Variants in ZBTB38 observed in about 807,000 individuals in gnomAD.
ZBTB38 encodes zinc finger and BTB domain containing 38, also known as zinc finger and BTB domain-containing protein 38.
In ZBTB38, 20 loss-of-function variants were observed where a neutral mutation model predicts 76.8. The ratio of observed to expected loss-of-function variants is 0.26; its 90% CI spans 0.18 to 0.38. ZBTB38 has a LOEUF of 0.38. Among genes scored for constraint, ZBTB38 ranks in the 10% least tolerant of loss-of-function variants. ZBTB38 has a pLI of 1.00. For missense variants in ZBTB38, 1,082 were observed against 1,482.3 expected (o/e 0.73, Z 4.43); for synonymous variants, 504 against 544.2 (o/e 0.93, Z 1.03).
rs749689930 is a variant in ZBTB38 at position 141,443,807 on chromosome 3, T to C, written c.1419T>C (p.Ser473=). 4 of 1,613,848 alleles carry C rather than the reference T, an allele frequency of 2.5e-6. No individual in the cohort carries two copies. In the African/African-American group the frequency reaches 5.3e-5, roughly 22 times the overall value. The change falls in exon 6 of 6, where the codon TCT becomes TCC. Residue 473 remains serine (S), a synonymous_variant. Transcript: ENST00000321464. The surrounding 1 kb of genome is among the most constrained non-coding windows in gnomAD (Gnocchi z 5.6). ...GCAAACGTAGTTATGTGACCTTATCTAGCCTCCGAAGACATGCAAATGTTC... is the reference window on the plus strand; with the variant it reads ...GCAAACGTAGTTATGTGACCTTATCCAGCCTCCGAAGACATGCAAATGTTC... ...VVCKRSYVTL[S]SLRRHANVHS...
At chr3:141,439,253 A>G (rs2079549553) in intron 5 of ZBTB38, among the ~76,000 whole-genome samples, 1 of 152,186 alleles carries the variant, frequency 6.6e-6, no homozygotes, top group East Asian at 1.9e-4. Flanking sequence ...GTGTCTGACC[A>G]TATTAACATA....
intron 4 of ZBTB38, among the ~76,000 whole-genome samples, chr3:141,399,915 C>G (rs1951362288): frequency 6.8e-6 from 1 of 145,986 alleles, no homozygotes; most frequent in Admixed American, 6.9e-5. Flanking sequence ...GATAAGGAAG[C>G]ATATTGTGGG....
At chr3:141,409,436 TGA>T (rs1373140924) in intron 5 of ZBTB38, among the ~76,000 whole-genome samples, 1 of 152,144 alleles carries the variant, frequency 6.6e-6, no homozygotes, top group South Asian at 2.1e-4. Context: ...AGCCACATAG[TGA>T]GAGTATGAAA....
chr3:141,351,562 G>C (rs1410247755), intron 1 of ZBTB38, among the ~76,000 whole-genome samples: 1 of 151,492 alleles, frequency 6.6e-6, no homozygotes, highest in Non-Finnish European at 1.5e-5. Context: ...TAGTGACCCT[G>C]TCACTACAAA....
At chr3:141,406,630 A>G (rs1954560053) in intron 5 of ZBTB38, among the ~76,000 whole-genome samples, 1 of 152,156 alleles carries the variant, frequency 6.6e-6, no homozygotes, top group Non-Finnish European at 1.5e-5. Flanking sequence ...AAAAGTCAAG[A>G]GATGGGAAAA....
At chr3:141,352,362 CTA>C (rs1215349927) in intron 1 of ZBTB38, among the ~76,000 whole-genome samples, 1 of 151,900 alleles carries the variant, frequency 6.6e-6, no homozygotes, top group African/African-American at 2.4e-5. Flanking sequence ...TATGTATAGA[CTA>C]TGAAAGAACC....
At chr3:141,345,275 T>A (rs1382757943) in intron 1 of ZBTB38, among the ~76,000 whole-genome samples, 1 of 152,060 alleles carries the variant, frequency 6.6e-6, no homozygotes, top group Non-Finnish European at 1.5e-5. Context: ...GAACTTTTTT[T>A]TTTTTTAATG....
At chr3:141,335,195 C>A (rs746801524) in intron 1 of ZBTB38, among the ~76,000 whole-genome samples, 2 of 152,200 alleles carry the variant, frequency 1.3e-5, no homozygotes, top group Non-Finnish European at 2.9e-5. Flanking sequence ...TAGTGTCCCT[C>A]GTGCATAAAC....
chr3:141,386,973 C>T (rs979820451), intron 4 of ZBTB38, 36 bp downstream of exon 4: 2 of 152,720 alleles, frequency 1.3e-5, no homozygotes, highest in East Asian at 3.8e-4. Context: ...CCCCAGTGCT[C>T]GTGTGCTGCA....
intron 1 of ZBTB38, among the ~76,000 whole-genome samples, chr3:141,348,802 A>G (rs1943437674): frequency 6.6e-6 from 1 of 152,210 alleles, no homozygotes; most frequent in Admixed American, 6.5e-5. Context: ...AATGATAGTA[A>G]TGGCATTTAA....
chr3:141,368,848 T>A (rs912762494), intron 1 of ZBTB38, 44 bp downstream of exon 1: 3 of 151,974 alleles, frequency 2.0e-5, no homozygotes, highest in African/African-American at 7.3e-5. Flanking sequence ...TCAGCGCCCT[T>A]CACCGTAGGG....
chr3:141,404,422 C>T (rs1277045021), intron 5 of ZBTB38, among the ~76,000 whole-genome samples: 1 of 152,170 alleles, frequency 6.6e-6, no homozygotes, highest in African/African-American at 2.4e-5. Flanking sequence ...CTTGAATCTT[C>T]GTTGCTCAGT....
intron 1 of ZBTB38, among the ~76,000 whole-genome samples, chr3:141,327,181 G>A (rs1367281943): frequency 1.3e-5 from 2 of 152,200 alleles, no homozygotes; most frequent in African/African-American, 4.8e-5. Flanking sequence ...AAGGCAGGGT[G>A]AGATTTAAAA....
intron 5 of ZBTB38, among the ~76,000 whole-genome samples, chr3:141,411,912 C>T (rs942230491): frequency 2.0e-5 from 3 of 152,106 alleles, no homozygotes; most frequent in African/African-American, 7.2e-5. Context: ...TTCAGGAAAC[C>T]AAGAGCTTTT....
At chr3:141,411,714 T>C (rs1250881370) in intron 5 of ZBTB38, among the ~76,000 whole-genome samples, 3 of 152,196 alleles carry the variant, frequency 2.0e-5, no homozygotes, top group Non-Finnish European at 4.4e-5. Context: ...AAAAAAACCC[T>C]GACCTTTAAA....
At chr3:141,364,570 G>A (rs371339605), upstream of ZBTB38, among the ~76,000 whole-genome samples, 3 of 150,794 alleles carry the variant, frequency 2.0e-5, no homozygotes, top group African/African-American at 7.3e-5. Context: ...CCAGCTACTC[G>A]GGAGGCTGAG....
chr3:141,413,331 A>G lies in ZBTB38; in HGVS notation c.-1+9300A>G, dbSNP rs1372897102. ...GTCAGAATGCTCCCCAGACTGAGGA[A>G]TCAGCTGCACATCCCCCTGATGTCT... On this transcript the variant is annotated intron_variant, in intron 5 of 5. Coordinates refer to ENST00000321464, the MANE Select transcript of ZBTB38 (RefSeq NM_001376113.1). This position sits in a 1 kb window ranked among gnomAD's most constrained non-coding sequence, Gnocchi z 4.1. Among the ~76,000 whole-genome samples the G allele has an allele frequency of 6.6e-6, 1 of 152,134 alleles. No homozygotes were observed. Among genetic ancestry groups the G allele is most frequent in the Non-Finnish European group, 1.5e-5 (1 of 68,012 alleles).
intron 2 of ZBTB38, among the ~76,000 whole-genome samples, chr3:141,378,465 A>G (rs1295953347): frequency 6.6e-6 from 1 of 152,242 alleles, no homozygotes; most frequent in Non-Finnish European, 1.5e-5. Flanking sequence ...GGTTTAGCCC[A>G]AGTACTACAG....
rs77509282 is a variant in ZBTB38 at position 141,415,036 on chromosome 3, A to G, written c.-1+11005A>G. ...CTGGGATGTAAAAGGTGCTCAGTCA[A>G]TGTTAGCTTTTCTTGTTTCTGGCAT... On this transcript the variant is annotated intron_variant, in intron 5 of 5. Coordinates refer to ENST00000321464, the MANE Select transcript of ZBTB38 (RefSeq NM_001376113.1). Among the ~76,000 whole-genome samples the G allele has an allele frequency of 4.7e-4, 72 of 151,946 alleles. No homozygotes were observed. In the East Asian group the frequency reaches 7.4e-3, roughly 16 times the overall value.
Sources: allele counts gnomAD v4.1 joint callset (sites outside exome capture counted in the v4.1 genomes callset), GRCh38; gene constraint gnomAD v4.1.1; non-coding constraint Gnocchi (gnomAD v3.1); transcripts MANE v1.5; gene names NCBI Gene and HGNC (gene_info 2026-07-23, HGNC 2026-07-21).